Variants in UNC13C observed in about 807,000 individuals in gnomAD.
UNC13C encodes unc-13 homolog C.
In UNC13C, 174 loss-of-function variants were observed where a neutral mutation model predicts 245.4. The ratio of observed to expected loss-of-function variants is 0.71; its 90% confidence interval spans 0.63 to 0.80. The LOEUF is 0.80. Among genes scored for constraint, UNC13C ranks in the 30% least tolerant of loss-of-function variants. UNC13C has a pLI of 0.00. For missense variants in UNC13C, 2,829 were observed against 2,602.9 expected (o/e 1.09, Z -1.89); for synonymous variants, 992 against 895.1 (o/e 1.11, Z -1.93).
chr15:54,029,115 A>G (rs1348228601), intron 2 of UNC13C, among the ~76,000 whole-genome samples: 1 of 152,168 alleles, frequency 6.6e-6, no homozygotes, highest in Non-Finnish European at 1.5e-5. Context: ...ATTGATTGTG[A>G]TTATTTTTGG....
chr15:54,107,389 G>A (rs1900499666), intron 2 of UNC13C, among the ~76,000 whole-genome samples: 2 of 152,136 alleles, frequency 1.3e-5, no homozygotes, highest in Non-Finnish European at 2.9e-5. Context: ...ATAAGCCAGT[G>A]TGTTGGTTTA....
At chr15:54,386,732 T>A (rs113773425) in intron 17 of UNC13C, among the ~76,000 whole-genome samples, 4 of 152,266 alleles carry the variant, frequency 2.6e-5, no homozygotes, top group African/African-American at 9.6e-5. Flanking sequence ...TGGCTAACAG[T>A]TTTTTAAATG....
chr15:53,915,384 G>T, the UNC13C span, among the ~76,000 whole-genome samples: 1 of 152,180 alleles, frequency 6.6e-6, no homozygotes, highest in Non-Finnish European at 1.5e-5. Flanking sequence ...TAACAACCGG[G>T]CTGTAGAGAA....
chr15:54,382,485 A>T (rs1036475399), intron 17 of UNC13C, among the ~76,000 whole-genome samples: 9 of 152,086 alleles, frequency 5.9e-5, no homozygotes, highest in African/African-American at 2.2e-4. Context: ...GCTACTCAGG[A>T]GGCTGAGGTG....
At chr15:54,452,017 A>G (rs749389496) in intron 19 of UNC13C, among the ~76,000 whole-genome samples, 1 of 152,164 alleles carries the variant, frequency 6.6e-6, no homozygotes, top group Non-Finnish European at 1.5e-5. Flanking sequence ...TGTATCATTT[A>G]TTTGACCATA....
chr15:54,226,933 C>A (rs530920283), intron 4 of UNC13C, among the ~76,000 whole-genome samples: 1 of 152,250 alleles, frequency 6.6e-6, no homozygotes, highest in Non-Finnish European at 1.5e-5. Context: ...AGGGCAGCAG[C>A]TCTTCTCCTT....
At chr15:54,044,081 T>C (rs1897032) in intron 2 of UNC13C, among the ~76,000 whole-genome samples, 143,404 of 152,246 alleles carry the variant, frequency 0.94, 68,148 homozygotes, top group East Asian at 1. Flanking sequence ...ACTCTCTTTT[T>C]CCCCTGCCCC....
intron 4 of UNC13C, among the ~76,000 whole-genome samples, chr15:54,154,777 T>G (rs1377416442): frequency 1.3e-5 from 2 of 152,190 alleles, no homozygotes; most frequent in Non-Finnish European, 2.9e-5. Context: ...GTTAGAGGTC[T>G]TCAAGTATTC....
chr15:53,978,104 G>C (rs1410657906), upstream of UNC13C, among the ~76,000 whole-genome samples: 1 of 152,214 alleles, frequency 6.6e-6, no homozygotes, highest in Non-Finnish European at 1.5e-5. Context: ...ATCTAAAACA[G>C]TCATTGTTGA....
chr15:53,872,743 A>G, the UNC13C span, among the ~76,000 whole-genome samples: 21 of 152,156 alleles, frequency 1.4e-4, no homozygotes, highest in African/African-American at 4.8e-4. Context: ...GATGAATTTC[A>G]AGTCCTAATA....
intron 30 of UNC13C, among the ~76,000 whole-genome samples, chr15:54,614,654 C>T (rs1900312267): frequency 6.6e-6 from 1 of 151,784 alleles, no homozygotes; most frequent in South Asian, 2.1e-4. Context: ...ATACTGTCTC[C>T]CTCATAACTA....
chr15:54,522,206 C>T (rs571416864), intron 24 of UNC13C, among the ~76,000 whole-genome samples: 47 of 152,092 alleles, frequency 3.1e-4, no homozygotes, highest in African/African-American at 1.1e-3. Context: ...CGCGGTGGCT[C>T]ACGCCTGTAA....
intron 2 of UNC13C, among the ~76,000 whole-genome samples, chr15:54,061,162 CAA>C (rs11447478): frequency 1.4e-5 from 2 of 143,082 alleles, no homozygotes; most frequent in African/African-American, 5.1e-5. Flanking sequence ...ATAAAAAAGA[CAA>C]AAAAAAAAGA....
intron 4 of UNC13C, among the ~76,000 whole-genome samples, chr15:54,184,314 G>A (rs961153459): frequency 1.3e-5 from 2 of 151,596 alleles, no homozygotes; most frequent in African/African-American, 4.9e-5. Flanking sequence ...TGTGCACAAC[G>A]TGCGGGTTTT....
intron 7 of UNC13C, among the ~76,000 whole-genome samples, chr15:54,239,803 T>C (rs1163270461): frequency 6.6e-6 from 1 of 152,184 alleles, no homozygotes; most frequent in Non-Finnish European, 1.5e-5. Context: ...ATTTTGAGTA[T>C]AGTTTGGGCA....
intron 4 of UNC13C, among the ~76,000 whole-genome samples, chr15:54,214,137 T>C (rs1236668113): frequency 6.6e-6 from 1 of 152,006 alleles, no homozygotes; most frequent in African/African-American, 2.4e-5. Context: ...TTTTTAAAAA[T>C]TATATTTTAA....
intron 19 of UNC13C, among the ~76,000 whole-genome samples, chr15:54,433,732 A>G (rs1007624437): frequency 6.6e-6 from 1 of 152,102 alleles, no homozygotes; most frequent in Non-Finnish European, 1.5e-5. Context: ...AGTTCTGGCC[A>G]GGGCAATCAG....
At chr15:54,468,729 G>C (rs958775398) in intron 19 of UNC13C, among the ~76,000 whole-genome samples, 4 of 151,584 alleles carry the variant, frequency 2.6e-5, no homozygotes, top group African/African-American at 9.7e-5. Context: ...GTGTGCACTG[G>C]CGCCTTTGTC....
intron 11 of UNC13C, among the ~76,000 whole-genome samples, chr15:54,296,853 C>T (rs960273681): frequency 5.3e-5 from 8 of 152,146 alleles, no homozygotes; most frequent in African/African-American, 1.9e-4. Flanking sequence ...GAACTTAGGA[C>T]CCTCCACTAC....
Sources: allele counts gnomAD v4.1 joint callset (sites outside exome capture counted in the v4.1 genomes callset), GRCh38; gene constraint gnomAD v4.1.1; transcripts MANE v1.5; gene names NCBI Gene and HGNC (gene_info 2026-07-23, HGNC 2026-07-21).